KIF1A: variants seen among roughly 807,000 people sequenced by gnomAD.
KIF1A encodes the protein kinesin-like protein KIF1A.
In KIF1A, 46 loss-of-function variants were observed where a neutral mutation model predicts 227.3. That is an observed-to-expected ratio of 0.20 (90% CI 0.16 to 0.26). KIF1A has a LOEUF of 0.26. KIF1A is among the 10% of genes least tolerant of loss of function. KIF1A has a pLI of 1.00. For synonymous variants in KIF1A, 1,022 were observed against 1,012.8 expected (o/e 1.01, Z -0.17); for missense variants, 1,683 against 2,485.9 (o/e 0.68, Z 6.87).
rs1380213156 is a variant in KIF1A at position 240,726,221 on chromosome 2, G to A, written c.4122+605C>T. Among the ~76,000 whole-genome samples the A allele has an allele frequency of 1.3e-5, 2 of 152,218 alleles. No homozygotes were observed. Among genetic ancestry groups the A allele is most frequent in the East Asian group, 3.8e-4 (2 of 5,202 alleles). ...AACACTTCTGTTTTTGTGCTGCCCG[G>A]AATGCAGACACAATGTCTGGTGGTG... On this transcript the variant is annotated intron_variant, in intron 39 of 48. Coordinates refer to ENST00000498729, the MANE Select transcript of KIF1A (RefSeq NM_001244008.2). This position sits in a 1 kb window ranked among gnomAD's most constrained non-coding sequence, Gnocchi z 5.2.
intron 37 of KIF1A, chr2:240,737,369 G>C: frequency 2.0e-6 from 1 of 511,388 alleles, no homozygotes; most frequent in Non-Finnish European, 3.6e-6. Flanking sequence ...GCTGCTCCAC[G>C]GTCTTTCTTG....
intron 38 of KIF1A, among the ~76,000 whole-genome samples, chr2:240,729,181 C>A (rs1029341339): frequency 3.9e-5 from 6 of 152,122 alleles, no homozygotes; most frequent in African/African-American, 7.3e-5. Flanking sequence ...TAAGACCCAG[C>A]CTGCAGGTCC....
At chr2:240,803,259 G>A (rs577255789) in intron 1 of KIF1A, among the ~76,000 whole-genome samples, 57 of 152,306 alleles carry the variant, frequency 3.7e-4, no homozygotes, top group Middle Eastern at 3.4e-3. Context: ...AGCTAAAGCC[G>A]GACTGACGAG....
intron 22 of KIF1A, 67 bp from the exon 23 acceptor site, chr2:240,762,879 G>T (rs1286517567): frequency 2.7e-6 from 4 of 1,456,562 alleles, no homozygotes; most frequent in African/African-American, 2.8e-5. Context: ...ACTGCGCCTA[G>T]ACAGTGGGCC....
In KIF1A at chr2:240,736,968, C is replaced by T. The variant is rs2047392536; in HGVS notation, c.4007+95G>A. ...AGGGCCGGGAGAGCGTTGAGCGGGT[C>T]ACCTTGTGTGGCTGAACCCTGTGCC... On this transcript the variant is annotated intron_variant, in intron 38 of 48. Transcript: ENST00000498729. The surrounding 1 kb of genome is among the most constrained non-coding windows in gnomAD (Gnocchi z 4.7). 3 of 1,009,922 alleles carry T rather than the reference C, an allele frequency of 3.0e-6. No homozygotes were observed. The highest frequency in any genetic ancestry group is 1.6e-5 in the African/African-American group (1 of 63,394). The allele number at this position is 1,009,922 out of a possible 1,614,324, so 62.6% of individuals were successfully genotyped here.
At position 240,766,749 on chromosome 2, in the gene KIF1A, T is replaced by TCTCACACACACACACACACACACACA. The variant is rs1454271542; in HGVS notation, c.1684+165_1684+166insTGTGTGTGTGTGTGTGTGTGTGTGAG. Among the ~76,000 whole-genome samples, 5 of 108,974 alleles carry TCTCACACACACACACACACACACACA rather than the reference T, an allele frequency of 4.6e-5. No homozygotes were observed. Among genetic ancestry groups the TCTCACACACACACACACACACACACA allele is most frequent in the African/African-American group, 2.1e-4 (5 of 24,112 alleles). The allele number at this position is 108,974 out of a possible 152,430, so 71.5% of individuals were successfully genotyped here. A position where few individuals can be genotyped will look rare whatever the true frequency, so the allele number is the denominator to read the frequency against. ...CTCTCTCTCTCTCTCTCTCTCTCTC[T>TCTCACACACACACACACACACACACA]CACACACACACACACACACACACAC... is the stretch of plus-strand genomic sequence containing the variant. On this transcript the variant is annotated intron_variant, in intron 19 of 48. Coordinates refer to ENST00000498729, the MANE Select transcript of KIF1A (RefSeq NM_001244008.2). The surrounding 1 kb of genome is among the most constrained non-coding windows in gnomAD (Gnocchi z 5.0).
chr2:240,736,808 C>T lies in KIF1A; in HGVS notation c.4007+255G>A, dbSNP rs944875708. On this transcript the variant is annotated intron_variant, in intron 38 of 48. Transcript: ENST00000498729. This position sits in a 1 kb window ranked among gnomAD's most constrained non-coding sequence, Gnocchi z 4.7. ...AACTCAGCTCATCTTCCAACCCCTG[C>T]GCTGGCCCCTCTGCTTGGTGATAAA... 7.2e-5 allele frequency among the ~76,000 whole-genome samples: 11 copies of T among 152,334 alleles called. No individual in the cohort carries two copies. Among genetic ancestry groups the T allele is most frequent in the East Asian group, 3.9e-4 (2 of 5,172 alleles).
chr2:240,764,015 C>T (rs1323390566), intron 20 of KIF1A, among the ~76,000 whole-genome samples: 1 of 152,220 alleles, frequency 6.6e-6, no homozygotes, highest in Non-Finnish European at 1.5e-5. Flanking sequence ...CAGGGCCCTC[C>T]AGGGCAGCAC....
intron 42 of KIF1A, 98 bp from the exon 43 acceptor site, chr2:240,722,754 C>T (rs1015600318): frequency 1.0e-5 from 10 of 953,666 alleles, no homozygotes; most frequent in East Asian, 5.6e-5. Context: ...GGGCAGACCC[C>T]GGAGAGCCCA....
At chr2:240,764,416 A>C (rs138280581) in intron 20 of KIF1A, among the ~76,000 whole-genome samples, 3 of 152,132 alleles carry the variant, frequency 2.0e-5, no homozygotes, top group African/African-American at 7.2e-5. Flanking sequence ...AGGCTTAGCC[A>C]CACCGACTCC....
At position 240,766,099 on chromosome 2, in the gene KIF1A, A is replaced by T. The variant is rs2051135053; in HGVS notation, c.1685-306T>A. On this transcript the variant is annotated intron_variant, in intron 19 of 48. Transcript: ENST00000498729. This position sits in a 1 kb window ranked among gnomAD's most constrained non-coding sequence, Gnocchi z 5.0. ...CCAGCTCCCCAGGTGGACAAGGATA[A>T]AAACACCAGCTAATGGGGCCTGGGC... Among the ~76,000 whole-genome samples, 1 of 152,256 alleles carries T rather than the reference A, an allele frequency of 6.6e-6. No individual in the cohort carries two copies. The highest frequency in any genetic ancestry group is 2.4e-5 in the African/African-American group (1 of 41,476).
At chr2:240,723,904 G>T in intron 41 of KIF1A, 71 bp downstream of exon 41, 2 of 1,285,960 alleles carry the variant, frequency 1.6e-6, no homozygotes, top group Non-Finnish European at 2.3e-6. Flanking sequence ...CAGCTTCGCT[G>T]TGGTCACCCC....
At chr2:240,801,879 T>G (rs1449634472) in intron 1 of KIF1A, among the ~76,000 whole-genome samples, 3 of 152,208 alleles carry the variant, frequency 2.0e-5, no homozygotes, top group African/African-American at 7.2e-5. Flanking sequence ...CTGTTTGTGA[T>G]ATTTTTGTTG....
chr2:240,737,523 C>G (rs1490209026), intron 37 of KIF1A: 1 of 133,788 alleles, frequency 7.5e-6, no homozygotes, highest in Non-Finnish European at 1.5e-5. Flanking sequence ...CTTCTTCTTA[C>G]ACCAAAAAGT....
At chr2:240,773,914 C>A (rs1297360899) in intron 12 of KIF1A, among the ~76,000 whole-genome samples, 1 of 152,202 alleles carries the variant, frequency 6.6e-6, no homozygotes, top group Non-Finnish European at 1.5e-5. Flanking sequence ...CTTCGCCCAG[C>A]AGGCACAGCT....
intron 10 of KIF1A, chr2:240,782,272 G>C: frequency 1.1e-6 from 1 of 904,364 alleles, no homozygotes; most frequent in Non-Finnish European, 1.3e-6. Flanking sequence ...CATGTCCGAG[G>C]GGCTCCTCCG....
chr2:240,809,805 G>A lies in KIF1A; in HGVS notation c.-61+10317C>T, dbSNP rs369976089. ...TAATGTAAATGACGAGTTGATGGGT[G>A]CAGCAAATCAACATGGTACATGTAT... is the stretch of plus-strand genomic sequence containing the variant. On this transcript the variant is annotated intron_variant, in intron 1 of 48. Transcript: ENST00000498729. 1.6e-3 allele frequency among the ~76,000 whole-genome samples: 235 copies of A among 151,312 alleles called. 3 individuals carry two copies. Among genetic ancestry groups the A allele is most frequent in the African/African-American group, 5.2e-3 (215 of 41,162 alleles).
At chr2:240,720,674 T>C (rs2045239035) in intron 45 of KIF1A, 1 of 367,444 alleles carries the variant, frequency 2.7e-6, no homozygotes, top group African/African-American at 2.1e-5. Flanking sequence ...TTTCCACCCA[T>C]TTCTGGTCTT....
chr2:240,771,198 G>A (rs542551362), intron 14 of KIF1A, 94 bp from the exon 15 acceptor site: 134 of 1,498,864 alleles, frequency 8.9e-5, no homozygotes, highest in Admixed American at 7.4e-4. Flanking sequence ...AGGAGGGGTA[G>A]GGCGGGCAGA....
Sources: gnomAD v4.1 joint callset for allele counts (sites outside exome capture counted in the v4.1 genomes callset) on GRCh38, gnomAD v4.1.1 for gene constraint, Gnocchi (gnomAD v3.1) non-coding constraint, MANE v1.5 for transcripts, NCBI Gene and HGNC (gene_info 2026-07-23, HGNC 2026-07-21) for gene names.